COL9A3: variants seen among roughly 807,000 people sequenced by gnomAD.
COL9A3 encodes collagen type IX alpha 3 chain, also known as collagen alpha-3(IX) chain.
A neutral mutation model predicts 110.2 loss-of-function variants in COL9A3; 82 were observed. The observed-to-expected ratio is 0.74, with a 90% CI of 0.62 to 0.89. The LOEUF is 0.89. COL9A3 is among the 40% of genes least tolerant of loss of function. The pLI is 0.00. For synonymous variants in COL9A3, 494 were observed against 403.8 expected (o/e 1.22, Z -2.68); for missense variants, 1,066 against 981.3 (o/e 1.09, Z -1.15).
rs1258671961 is a variant in COL9A3, at chr20:62,826,268, C to T, written c.738+11C>T. On this transcript the variant is annotated intron_variant, in intron 14 of 31. Transcript: ENST00000649368. ...CCCCCTGGGGACCGGGTAAGTCCTG[C>T]AGCCCCTAGTGGGGGCCGGCCAGGT... 3 of 1,548,238 alleles carry T rather than the reference C, an allele frequency of 1.9e-6. No homozygotes were observed. Among genetic ancestry groups the T allele is most frequent in the Admixed American group, 3.9e-5 (2 of 51,132 alleles).
chr20:62,817,436 A>C (rs376438897), intron 1 of COL9A3, 131 bp from the exon 2 acceptor site: 1 of 663,690 alleles, frequency 1.5e-6, no homozygotes, highest in African/African-American at 1.9e-5. Context: ...GCTCCGCCCG[A>C]GGCTTTGGGT....
At position 62,840,621 on chromosome 20, in the gene COL9A3, G is replaced by A. The variant is rs1257578045; in HGVS notation, c.1944G>A (p.Gly648=). The A allele has an allele frequency of 3.7e-6, 6 of 1,612,980 alleles. No homozygotes were observed. The highest frequency in any genetic ancestry group is 3.3e-5 in the Admixed American group (2 of 59,932). The change falls in exon 32 of 32, where the codon GGG becomes GGA. Residue 648 remains glycine, a synonymous_variant. Coordinates refer to ENST00000649368, the MANE Select transcript of COL9A3 (RefSeq NM_001853.4). ...PGEPGPPGDP[G]LPGAIGAQGT... ...AGCCTGGGCCTCCCGGAGATCCTGG[G>A]CTTCCAGGTGCCATTGGGGCCCAGG...
intron 30 of COL9A3, among the ~76,000 whole-genome samples, chr20:62,838,464 C>T (rs766032351): frequency 1.8e-4 from 28 of 152,216 alleles, no homozygotes; most frequent in Non-Finnish European, 2.2e-4. Flanking sequence ...TGCGGTGCGT[C>T]GTCCACCTGC....
At position 62,826,237 on chromosome 20, in the gene COL9A3, C is replaced by T. The variant is rs1397298278; in HGVS notation, c.718C>T (p.Leu240Phe). 1 of 1,557,420 alleles carries T rather than the reference C, an allele frequency of 6.4e-7. No homozygotes were observed. The highest frequency in any genetic ancestry group is 1.2e-5 in the South Asian group (1 of 84,678). Residue 240 changes from leucine (L) to phenylalanine (F), a missense_variant, in exon 14 of 32, where the codon CTC (leucine) becomes TTC (phenylalanine). Leu to Phe is a conservative substitution (Grantham distance 22). Transcript: ENST00000649368. ...GGGATTACGAGGACTGCCAGGGCCA[C>T]TCGGGCCCCCTGGGGACCGGGTAAG... Reference protein sequence around the residue: ...PRGLRGLPGPLGPPGDRGPIG... With the variant: ...PRGLRGLPGPFGPPGDRGPIG...
intron 25 of COL9A3, 91 bp from the exon 26 acceptor site, chr20:62,832,929 C>A: frequency 8.3e-7 from 1 of 1,210,234 alleles, no homozygotes; most frequent in Non-Finnish European, 1.2e-6. Flanking sequence ...GAACATTACA[C>A]CTACGGAGGC....
At chr20:62,833,976 C>T (rs1000130578) in intron 26 of COL9A3, among the ~76,000 whole-genome samples, 3 of 152,132 alleles carry the variant, frequency 2.0e-5, no homozygotes, top group Non-Finnish European at 2.9e-5. Flanking sequence ...CCAGTTCAAG[C>T]GATTCTCCTG....
At chr20:62,828,010 C>A (rs1307582125) in intron 17 of COL9A3, 34 bp downstream of exon 17, 1 of 1,610,582 alleles carries the variant, frequency 6.2e-7, no homozygotes, top group East Asian at 2.2e-5. Flanking sequence ...GAATGCTCCT[C>A]CCCCGGGTCC....
At chr20:62,825,545 C>A (rs995238783) in intron 12 of COL9A3, 3 of 570,224 alleles carry the variant, frequency 5.3e-6, no homozygotes, top group Non-Finnish European at 9.5e-6. Flanking sequence ...TCAGAGGGGT[C>A]CCTGCTTGGC....
intron 11 of COL9A3, among the ~76,000 whole-genome samples, chr20:62,824,735 C>G (rs938411914): frequency 6.6e-5 from 10 of 152,216 alleles, no homozygotes; most frequent in Admixed American, 6.5e-4. Flanking sequence ...GAGAGCTAGC[C>G]TCAAGCTCCC....
rs2147201396 is a variant in COL9A3 at position 62,822,164 on chromosome 20, T to A, written c.477T>A (p.Pro159=). The A allele has an allele frequency of 6.4e-7, 1 of 1,564,270 alleles. No homozygotes were observed. Among genetic ancestry groups the A allele is most frequent in the Non-Finnish European group, 8.8e-7 (1 of 1,135,344 alleles). The change falls in exon 9 of 32, where the codon CCT becomes CCA. Residue 159 remains proline, a splice_region_variant and synonymous_variant. Coordinates refer to ENST00000649368, the MANE Select transcript of COL9A3 (RefSeq NM_001853.4). ...LPGPPGPPGP[P]GHPGVLPEGA... Reference sequence around the variant, plus strand: ...GTCCCCCAGGACCTCCCGGACCCCCTGTAAGTACTGGGCAGAGGCTCTAAG... The same window carrying A: ...GTCCCCCAGGACCTCCCGGACCCCCAGTAAGTACTGGGCAGAGGCTCTAAG...
chr20:62,832,821 T>G (rs2063606965), intron 25 of COL9A3, 199 bp from the exon 26 acceptor site: 3 of 450,320 alleles, frequency 6.7e-6, no homozygotes, highest in South Asian at 5.7e-5. Context: ...TCTTCCGTTT[T>G]TTGGCCCCGC....
intron 31 of COL9A3, among the ~76,000 whole-genome samples, chr20:62,840,107 G>T (rs1194966541): frequency 6.6e-6 from 1 of 152,030 alleles, no homozygotes; most frequent in Admixed American, 6.6e-5. Flanking sequence ...CCTCATCTCA[G>T]TGAAGGGCTC....
At chr20:62,833,908 C>G (rs2063616296) in intron 26 of COL9A3, among the ~76,000 whole-genome samples, 1 of 151,284 alleles carries the variant, frequency 6.6e-6, no homozygotes, top group Non-Finnish European at 1.5e-5. Context: ...GAGATGGAGT[C>G]TCGCTCTTTC....
At chr20:62,823,467 C>T (rs527933181) in intron 10 of COL9A3, among the ~76,000 whole-genome samples, 417 of 152,276 alleles carry the variant, frequency 2.7e-3, no homozygotes, top group African/African-American at 9.3e-3. Flanking sequence ...GGGAAAAGCT[C>T]GGCCCACTCT....
intron 12 of COL9A3, 24 bp downstream of exon 12, chr20:62,825,045 G>C: frequency 6.2e-7 from 1 of 1,600,506 alleles, no homozygotes; most frequent in South Asian, 1.1e-5. Context: ...ACAGCAGCTG[G>C]GGAGGAGCTG....
chr20:62,821,998 C>T (rs558251687), intron 8 of COL9A3, 113 bp from the exon 9 acceptor site: 78 of 821,854 alleles, frequency 9.5e-5, no homozygotes, highest in Admixed American at 4.2e-4. Context: ...CAGCACAGTC[C>T]GTGGGAGTGG....
chr20:62,825,103 G>A (rs1391813597), intron 12 of COL9A3, 82 bp downstream of exon 12: 5 of 474,170 alleles, frequency 1.1e-5, no homozygotes, highest in Admixed American at 5.2e-5. Flanking sequence ...GGGCTCCGGC[G>A]GGAGGGAGGG....
chr20:62,824,418 G>A, intron 10 of COL9A3, 27 bp from the exon 11 acceptor site: 1 of 1,586,908 alleles, frequency 6.3e-7, no homozygotes, highest in South Asian at 1.1e-5. Context: ...TGGCTGGGAG[G>A]GGTCTGACTG....
Position 62,836,185 on chromosome 20 carries a change from A to G in COL9A3, c.1402-2A>G, listed in dbSNP as rs572364449. 2 of 1,613,184 alleles carry G rather than the reference A, an allele frequency of 1.2e-6. No individual in the cohort carries two copies. Among genetic ancestry groups the G allele is most frequent in the East Asian group, 2.2e-5 (1 of 44,884 alleles). On this transcript the variant is annotated splice_acceptor_variant, in intron 27 of 31. Transcript: ENST00000649368. LOFTEE classifies it high-confidence loss of function. Reference sequence around the variant, plus strand: ...GACCCACCTTCCTCTGTTCCTCTGCAGTCTGGCAGTCGAGGGGAGCTGGGC... The same window carrying G: ...GACCCACCTTCCTCTGTTCCTCTGCGGTCTGGCAGTCGAGGGGAGCTGGGC...
Sources: allele counts gnomAD v4.1 joint callset (sites outside exome capture counted in the v4.1 genomes callset), GRCh38; gene constraint gnomAD v4.1.1; transcripts MANE v1.5; gene names NCBI Gene and HGNC (gene_info 2026-07-23, HGNC 2026-07-21).